The following PDZRN4 variants were observed in gnomAD, a reference collection of about 807,000 sequenced individuals.
The protein encoded by PDZRN4 is PDZ domain containing ring finger 4.
In PDZRN4, 70 loss-of-function variants were observed where a neutral mutation model predicts 99.0. The ratio of observed to expected loss-of-function variants is 0.71; its 90% CI spans 0.58 to 0.86. The LOEUF is 0.86. Among genes scored for constraint, PDZRN4 ranks in the 40% least tolerant of loss-of-function variants. PDZRN4 has a pLI of 0.00. For missense variants in PDZRN4, 1,474 were observed against 1,331.2 expected, an observed-to-expected ratio of 1.11 and a Z score of -1.67; for synonymous variants, 551 against 501.6, an observed-to-expected ratio of 1.10 and a Z score of -1.32.
intron 5 of PDZRN4, among the ~76,000 whole-genome samples, chr12:41,518,584 A>C (rs1181981831): frequency 6.6e-6 from 1 of 152,110 alleles, no homozygotes; most frequent in Non-Finnish European, 1.5e-5. Flanking sequence ...CTTCAGATAA[A>C]TATTTATTAA....
At chr12:41,460,931 A>T (rs1421105544) in intron 3 of PDZRN4, among the ~76,000 whole-genome samples, 1 of 152,152 alleles carries the variant, frequency 6.6e-6, no homozygotes, top group Non-Finnish European at 1.5e-5. Flanking sequence ...TGGAGTTTCA[A>T]ATTGTTCCAT....
rs574880045 is a variant in PDZRN4 at position 41,476,576 on chromosome 12, G to C, written c.844-29880G>C. Among the ~76,000 whole-genome samples the C allele has an allele frequency of 5.9e-5, 9 of 152,250 alleles. 1 individual carries two copies. The South Asian group carries it at 1.9e-3, about 32-fold the overall frequency. ...GCCTATAGAGCCTCCCCTTCCCAATGCTCCTACCCGAGGAACACCTGAAAC... is the reference window on the plus strand; with the variant it reads ...GCCTATAGAGCCTCCCCTTCCCAATCCTCCTACCCGAGGAACACCTGAAAC... On this transcript the variant is annotated intron_variant, in intron 3 of 9. Coordinates refer to ENST00000402685, the MANE Select transcript of PDZRN4 (RefSeq NM_001164595.2).
chr12:41,566,822 A>G (rs1329359808), intron 8 of PDZRN4, among the ~76,000 whole-genome samples: 4 of 152,196 alleles, frequency 2.6e-5, no homozygotes, highest in Admixed American at 2.6e-4. Context: ...TTCTTTGTAC[A>G]GGGTGATGCA....
At chr12:41,453,326 A>T (rs1446182612) in intron 3 of PDZRN4, among the ~76,000 whole-genome samples, 1 of 152,170 alleles carries the variant, frequency 6.6e-6, no homozygotes, top group Admixed American at 6.5e-5. Context: ...TTTCCTTCCC[A>T]AGTAATTTTA....
chr12:41,251,035 G>A (rs897761871), intron 3 of PDZRN4, among the ~76,000 whole-genome samples: 4 of 152,110 alleles, frequency 2.6e-5, no homozygotes, highest in African/African-American at 9.7e-5. Context: ...GTAAAGACAT[G>A]TTTTACCTCC....
At chr12:41,302,652 G>A (rs1592003980) in intron 3 of PDZRN4, among the ~76,000 whole-genome samples, 2 of 152,166 alleles carry the variant, frequency 1.3e-5, no homozygotes, top group East Asian at 3.9e-4. Flanking sequence ...TTTGCACAGT[G>A]CGTTTTGGGA....
intron 3 of PDZRN4, among the ~76,000 whole-genome samples, chr12:41,371,157 T>A (rs1952038528): frequency 6.7e-6 from 1 of 149,558 alleles, no homozygotes; most frequent in Non-Finnish European, 1.5e-5. Context: ...CTATATATAT[T>A]AACTATTATT....
intron 3 of PDZRN4, among the ~76,000 whole-genome samples, chr12:41,323,316 A>G (rs1005023975): frequency 1.3e-5 from 2 of 152,200 alleles, no homozygotes; most frequent in African/African-American, 4.8e-5. Context: ...GTCAGTTTTA[A>G]AAATATAAAT....
chr12:41,211,672 T>C (rs1300113313), intron 3 of PDZRN4, among the ~76,000 whole-genome samples: 4 of 151,978 alleles, frequency 2.6e-5, no homozygotes, highest in Non-Finnish European at 5.9e-5. Context: ...GATTTGATAA[T>C]TGGACTGTTT....
intron 3 of PDZRN4, among the ~76,000 whole-genome samples, chr12:41,495,509 C>T (rs1275151073): frequency 6.6e-6 from 1 of 152,068 alleles, no homozygotes; most frequent in Non-Finnish European, 1.5e-5. Context: ...CAGCTCTCTT[C>T]ATCCTCCTCC....
At chr12:41,484,445 G>A (rs1191937216) in intron 3 of PDZRN4, among the ~76,000 whole-genome samples, 1 of 152,130 alleles carries the variant, frequency 6.6e-6, no homozygotes, top group Non-Finnish European at 1.5e-5. Context: ...TCCTGAGCTA[G>A]CTATGTGAGT....
chr12:41,534,240 C>T (rs1304550662), intron 5 of PDZRN4, among the ~76,000 whole-genome samples: 1 of 152,066 alleles, frequency 6.6e-6, no homozygotes, highest in Non-Finnish European at 1.5e-5. Context: ...AAACCACAGA[C>T]CTTCCATCTG....
At chr12:41,270,230 T>C (rs1359900895) in intron 3 of PDZRN4, among the ~76,000 whole-genome samples, 1 of 151,824 alleles carries the variant, frequency 6.6e-6, no homozygotes, top group Non-Finnish European at 1.5e-5. Context: ...AACTCTGCAA[T>C]TATCTGGGAT....
At chr12:41,414,389 G>A (rs1445238382) in intron 3 of PDZRN4, among the ~76,000 whole-genome samples, 5 of 151,888 alleles carry the variant, frequency 3.3e-5, no homozygotes. Flanking sequence ...TTCTTGAATT[G>A]GTTCCTCAAA....
At chr12:41,321,435 G>T (rs772135121) in intron 3 of PDZRN4, among the ~76,000 whole-genome samples, 1 of 152,182 alleles carries the variant, frequency 6.6e-6, no homozygotes, top group Non-Finnish European at 1.5e-5. Flanking sequence ...CACACAGCCT[G>T]ACAGAGAAAT....
chr12:41,380,364 T>C (rs530067005), intron 3 of PDZRN4, among the ~76,000 whole-genome samples: 4 of 152,194 alleles, frequency 2.6e-5, no homozygotes, highest in African/African-American at 4.8e-5. Context: ...GGCCTTGCTA[T>C]TGCCATTTTG....
intron 3 of PDZRN4, among the ~76,000 whole-genome samples, chr12:41,429,544 G>T (rs1421669259): frequency 6.6e-6 from 1 of 152,102 alleles, no homozygotes; most frequent in Non-Finnish European, 1.5e-5. Flanking sequence ...TGGCCCTCTA[G>T]GAATTTGTCA....
chr12:41,439,580 C>T (rs1337696780), intron 3 of PDZRN4, among the ~76,000 whole-genome samples: 1 of 152,084 alleles, frequency 6.6e-6, no homozygotes, highest in African/African-American at 2.4e-5. Flanking sequence ...CCAGAAAGGA[C>T]CACTGTATTT....
At chr12:41,462,043 T>C (rs1405670520) in intron 3 of PDZRN4, among the ~76,000 whole-genome samples, 2 of 152,180 alleles carry the variant, frequency 1.3e-5, no homozygotes, top group African/African-American at 2.4e-5. Flanking sequence ...CTGATTACAT[T>C]CGCTCTGATA....
Sources: allele counts gnomAD v4.1 joint callset (sites outside exome capture counted in the v4.1 genomes callset), GRCh38; gene constraint gnomAD v4.1.1; transcripts MANE v1.5; gene names NCBI Gene and HGNC (gene_info 2026-07-23, HGNC 2026-07-21).